Variants in TRPM3 observed in about 807,000 individuals in gnomAD.
TRPM3 encodes long transient receptor potential channel 3.
TRPM3 carries 77 observed loss-of-function variants against 181.2 expected under a neutral mutation model. That is an observed-to-expected ratio of 0.42 (90% CI 0.35 to 0.51). TRPM3 has a LOEUF of 0.51. Ranked by LOEUF, TRPM3 falls within the 20% of genes least tolerant of loss-of-function variation. The probability of loss-of-function intolerance (pLI) is 0.01; values close to 1 mark genes in which losing one functional copy is unlikely to be tolerated. For missense variants in TRPM3, 1,759 were observed against 2,196.7 expected (o/e 0.80, Z 3.98); for synonymous variants, 745 against 796.4 (o/e 0.94, Z 1.09).
chr9:70,599,177 G>T (rs569884063), intron 20 of TRPM3, among the ~76,000 whole-genome samples: 1 of 152,050 alleles, frequency 6.6e-6, no homozygotes, highest in Non-Finnish European at 1.5e-5. Context: ...CTTACAGATT[G>T]CAGCAGCCTT....
intron 1 of TRPM3, among the ~76,000 whole-genome samples, chr9:70,915,131 T>A (rs1175218207): frequency 5.9e-5 from 9 of 152,122 alleles, no homozygotes; most frequent in Non-Finnish European, 1.3e-4. Flanking sequence ...GAAACAGAGA[T>A]ATGTGACCTT....
chr9:70,923,813 T>A lies in TRPM3; in HGVS notation c.178-59302A>T, dbSNP rs1179708234. On this transcript the variant is annotated intron_variant, in intron 1 of 25. Transcript: ENST00000677713. ...CACACACACACACACACTCTCTCTC[T>A]CTCTCTCTCTCTCTCTATATATATA... is the stretch of plus-strand genomic sequence containing the variant. Among the ~76,000 whole-genome samples, 330 of 139,022 alleles carry A rather than the reference T, an allele frequency of 2.4e-3. 1 individual carries two copies. The highest frequency in any genetic ancestry group is 8.2e-3 in the African/African-American group (299 of 36,518). The allele number at this position is 139,022 out of a possible 152,430, so 91.2% of individuals were successfully genotyped here. A position where few individuals can be genotyped will look rare whatever the true frequency, so the allele number is the denominator to read the frequency against.
intron 25 of TRPM3, among the ~76,000 whole-genome samples, chr9:70,547,021 A>G (rs1454757161): frequency 2.0e-5 from 3 of 152,322 alleles, no homozygotes; most frequent in African/African-American, 7.2e-5. Flanking sequence ...ATTTCTAAGA[A>G]GACTCACGCA....
intron 6 of TRPM3, among the ~76,000 whole-genome samples, chr9:70,798,899 T>G (rs1207215019): frequency 2.0e-5 from 3 of 152,078 alleles, no homozygotes; most frequent in African/African-American, 4.8e-5. Flanking sequence ...ACATGCTGAG[T>G]GCCTTGGGTG....
At chr9:70,661,738 A>G (rs543799748) in intron 9 of TRPM3, among the ~76,000 whole-genome samples, 12 of 149,422 alleles carry the variant, frequency 8.0e-5, no homozygotes, top group Non-Finnish European at 1.4e-4. Flanking sequence ...GATCTCTACC[A>G]AAAAAACCCT....
chr9:71,316,910 G>A (rs1365409080), intron 1 of TRPM3, among the ~76,000 whole-genome samples: 1 of 152,172 alleles, frequency 6.6e-6, no homozygotes, highest in Non-Finnish European at 1.5e-5. Flanking sequence ...TTTTCAGATG[G>A]ATAATGGCAT....
intron 22 of TRPM3, among the ~76,000 whole-genome samples, chr9:70,582,480 T>C (rs962953329): frequency 6.6e-6 from 1 of 152,200 alleles, no homozygotes; most frequent in Non-Finnish European, 1.5e-5. Context: ...GTTTGAGGTA[T>C]TGGAGATACT....
At chr9:70,959,461 A>C (rs1247244661) in intron 1 of TRPM3, among the ~76,000 whole-genome samples, 1 of 152,046 alleles carries the variant, frequency 6.6e-6, no homozygotes, top group Non-Finnish European at 1.5e-5. Flanking sequence ...AAAGAGAAAA[A>C]AAAAAGGAAA....
chr9:70,740,159 C>A (rs1303305150), intron 8 of TRPM3, among the ~76,000 whole-genome samples: 4 of 152,130 alleles, frequency 2.6e-5, no homozygotes, highest in Non-Finnish European at 5.9e-5. Context: ...AAATCAGTAG[C>A]TCTGCCATAC....
At chr9:70,885,090 C>CCAACT (rs2096064364) in intron 1 of TRPM3, among the ~76,000 whole-genome samples, 1 of 152,168 alleles carries the variant, frequency 6.6e-6, no homozygotes, top group South Asian at 2.1e-4. Flanking sequence ...TCATCTCACT[C>CCAACT]CAACTCTAAC....
intron 1 of TRPM3, among the ~76,000 whole-genome samples, chr9:71,267,344 T>G (rs1456408408): frequency 6.6e-6 from 1 of 152,220 alleles, no homozygotes; most frequent in Admixed American, 6.5e-5. Context: ...CATTCTAGAC[T>G]GGAAGCACCA....
chr9:71,377,980 T>C (rs2092706025), intron 1 of TRPM3, among the ~76,000 whole-genome samples: 1 of 152,066 alleles, frequency 6.6e-6, no homozygotes, highest in African/African-American at 2.4e-5. Flanking sequence ...ATTCTAGTAT[T>C]GATGGACATT....
chr9:70,594,132 G>C (rs796414744), intron 21 of TRPM3, among the ~76,000 whole-genome samples: 1 of 101,490 alleles, frequency 9.9e-6, no homozygotes, highest in Non-Finnish European at 2.2e-5. Flanking sequence ...TAAAAAGAAA[G>C]AAAGAAAGAA....
intron 22 of TRPM3, among the ~76,000 whole-genome samples, chr9:70,589,244 A>T (rs2057694456): frequency 6.6e-6 from 1 of 152,234 alleles, no homozygotes; most frequent in Non-Finnish European, 1.5e-5. Context: ...AATAACAATA[A>T]TAAATCCTCT....
intron 1 of TRPM3, among the ~76,000 whole-genome samples, chr9:70,951,432 C>T (rs1349190073): frequency 3.3e-5 from 5 of 152,140 alleles, no homozygotes; most frequent in Admixed American, 3.3e-4. Flanking sequence ...ACCTCCACCT[C>T]CCAGGTTCAA....
chr9:71,209,390 G>A (rs2079332542), intron 1 of TRPM3, among the ~76,000 whole-genome samples: 1 of 56,140 alleles, frequency 1.8e-5, no homozygotes, highest in Non-Finnish European at 4.1e-5. Flanking sequence ...GGGGTAGGGA[G>A]AGGGGGAAGG....
intron 25 of TRPM3, among the ~76,000 whole-genome samples, chr9:70,545,119 T>C (rs1564248261): frequency 6.6e-6 from 1 of 152,228 alleles, no homozygotes; most frequent in Non-Finnish European, 1.5e-5. Context: ...TTAAGTAAAT[T>C]GCTCAAGGTC....
chr9:71,046,507 A>G (rs1423422973), intron 1 of TRPM3, among the ~76,000 whole-genome samples: 1 of 152,188 alleles, frequency 6.6e-6, no homozygotes, highest in Non-Finnish European at 1.5e-5. Context: ...GGGCACTTCT[A>G]TTTTAAGTAT....
Position 70,679,435 on chromosome 9 carries a change from T to A in TRPM3, c.1345+2071A>T, listed in dbSNP as rs1434187183. 2.0e-5 allele frequency among the ~76,000 whole-genome samples: 3 copies of A among 152,224 alleles called. No homozygotes were observed. In the South Asian group the frequency reaches 6.2e-4, roughly 32 times the overall value. ...ACAAATTCATGAGAGAGGAAGAAAG[T>A]ATTTTCAGTAGAAGATATTATAATG... On this transcript the variant is annotated intron_variant, in intron 9 of 25. Coordinates refer to ENST00000677713, the MANE Select transcript of TRPM3 (RefSeq NM_001366145.2).
Sources: gnomAD v4.1 joint callset for allele counts (sites outside exome capture counted in the v4.1 genomes callset) on GRCh38, gnomAD v4.1.1 for gene constraint, MANE v1.5 for transcripts, NCBI Gene and HGNC (gene_info 2026-07-23, HGNC 2026-07-21) for gene names.